The following MUC5AC variants were observed in gnomAD, a reference collection of about 807,000 sequenced individuals.
MUC5AC encodes mucin 5AC, oligomeric mucus/gel-forming, also known as mucin-5AC.
Under a neutral mutation model 169.7 loss-of-function variants are expected in MUC5AC, and 158 were observed. The observed-to-expected ratio is 0.93, with a 90% CI of 0.82 to 1.06. The LOEUF is 1.06. Among genes scored for constraint, MUC5AC ranks in the 50% least tolerant of loss-of-function variants. The pLI is 0.00. For missense variants in MUC5AC, 4,359 were observed against 3,089.9 expected, an observed-to-expected ratio of 1.41 and a Z score of -9.74; for synonymous variants, 1,975 against 1,237.0, an observed-to-expected ratio of 1.60 and a Z score of -12.52.
chr11:1,161,962 C>T lies in MUC5AC; in HGVS notation c.267C>T (p.Tyr89=), dbSNP rs757533239. The part of the protein sequence containing the change: ...RVCSTWGSFH[Y]KTFDGDVFRF... Reference sequence around the variant, plus strand: ...GCAGCACCTGGGGCAGCTTCCACTACAAGACCTTCGACGGCGACGTCTTCC... The same window carrying T: ...GCAGCACCTGGGGCAGCTTCCACTATAAGACCTTCGACGGCGACGTCTTCC... The change falls in exon 4 of 49, where the codon TAC becomes TAT. Residue 89 remains tyrosine (Y), a synonymous_variant. Coordinates refer to ENST00000621226, the MANE Select transcript of MUC5AC (RefSeq NM_001304359.2). 5.6e-6 allele frequency: 9 copies of T among 1,612,232 alleles called. No individual in the cohort carries two copies. Among genetic ancestry groups the T allele is most frequent in the Non-Finnish European group, 6.8e-6 (8 of 1,179,714 alleles).
chr11:1,177,217 C>T lies in MUC5AC; in HGVS notation c.2794-14C>T. The T allele has an allele frequency of 2.5e-6, 1 of 402,606 alleles. No homozygotes were observed. The allele number at this position is 402,606 out of a possible 1,614,324, so 24.9% of individuals were successfully genotyped here. The stretch of plus-strand genomic sequence containing the variant: ...CAGGGCCTGCCTGGTCCTTGATGGC[C>T]TCTGCTTCCCCAGAACCACTGTGGC... On this transcript the variant is annotated splice_polypyrimidine_tract_variant and intron_variant, in intron 22 of 48. Transcript: ENST00000621226.
intron 5 of MUC5AC, 74 bp downstream of exon 5, chr11:1,162,720 G>A: frequency 7.0e-7 from 1 of 1,429,080 alleles, no homozygotes; most frequent in Non-Finnish European, 9.8e-7. Context: ...AGCCTCTCCG[G>A]AGAGGGTAGA....
intron 4 of MUC5AC, 122 bp downstream of exon 4, chr11:1,162,290 G>C: frequency 7.0e-7 from 1 of 1,431,290 alleles, no homozygotes; most frequent in Non-Finnish European, 9.3e-7. Context: ...TGAGAGCAGA[G>C]CTGGACATGG....
intron 24 of MUC5AC, among the ~76,000 whole-genome samples, chr11:1,178,095 T>C (rs1860728812): frequency 6.6e-6 from 1 of 152,194 alleles, no homozygotes; most frequent in East Asian, 1.9e-4. Context: ...CAGGACCCAC[T>C]CATTACCTCA....
chr11:1,171,254 C>CCACTCACCCACT (rs1196298282), intron 15 of MUC5AC, among the ~76,000 whole-genome samples: 5 of 115,520 alleles, frequency 4.3e-5, no homozygotes, highest in South Asian at 3.3e-4. Context: ...ACCCACTCAT[C>CCACTCACCCACT]CACTCACCCA....
At chr11:1,175,837 G>GCACTCACCCACTTATGCAA (rs1590141059) in intron 19 of MUC5AC, among the ~76,000 whole-genome samples, 1 of 91,290 alleles carries the variant, frequency 1.1e-5, no homozygotes, top group Non-Finnish European at 2.1e-5. Context: ...TCATGCACAC[G>GCACTCACCCACTTATGCAA]CACTCACACA....
At position 1,162,143 on chromosome 11, in the gene MUC5AC, G is replaced by A. The variant is rs369882093; in HGVS notation, c.448G>A (p.Gly150Ser). 1.6e-5 allele frequency: 25 copies of A among 1,612,250 alleles called. No homozygotes were observed. In the African/African-American group the frequency reaches 3.3e-4, roughly 21 times the overall value. The part of the protein sequence containing the change: ...VDGVVIQLTK[G>S]SVLVNGHPVL... Reference sequence around the variant, plus strand: ...TGGCGTGGTCATCCAGCTGACCAAGGGCTCCGTCCTGGTCAACGGCCACCC... The same window carrying A: ...TGGCGTGGTCATCCAGCTGACCAAGAGCTCCGTCCTGGTCAACGGCCACCC... The change falls in exon 4 of 49, where the codon GGC (glycine) becomes AGC (serine). Residue 150 changes from glycine to serine, a missense_variant. Physicochemically the swap from Gly to Ser is moderately conservative, Grantham distance 56. Coordinates refer to ENST00000621226, the MANE Select transcript of MUC5AC (RefSeq NM_001304359.2).
In MUC5AC at chr11:1,182,884, A is replaced by G. The variant is rs1426036220; in HGVS notation, c.4739A>G (p.Glu1580Gly). 9.8e-5 allele frequency: 39 copies of G among 398,610 alleles called. No homozygotes were observed. Among genetic ancestry groups the G allele is most frequent in the South Asian group, 6.4e-4 (5 of 7,852 alleles). The allele number at this position is 398,610 out of a possible 1,614,324, so 24.7% of individuals were successfully genotyped here. The change falls in exon 31 of 49, where the codon GAG (glutamate) becomes GGG (glycine). Residue 1580 changes from glutamate to glycine, a missense_variant. Transcript: ENST00000621226. ...CCCAGCACATCCTCCTGCCTGCAGG[A>G]GCTTTGCACCTGGACCGAGTGGATC... Reference protein sequence around the residue: ...TEPSTSSCLQELCTWTEWIDG... With the variant: ...TEPSTSSCLQGLCTWTEWIDG...
Position 1,177,911 on chromosome 11 carries a change from G to A in MUC5AC, c.3087+278G>A, listed in dbSNP as rs1203692563. On this transcript the variant is annotated intron_variant, in intron 24 of 48. Transcript: ENST00000621226. ...AGTCCAGCAGGGCATCCACAGGGCCGAACTCTTTCAGAAGGCTCTGGGGGG... is the reference window on the plus strand; with the variant it reads ...AGTCCAGCAGGGCATCCACAGGGCCAAACTCTTTCAGAAGGCTCTGGGGGG... Among the ~76,000 whole-genome samples the A allele has an allele frequency of 4.8e-5, 6 of 125,128 alleles. No homozygotes were observed. In the South Asian group the frequency reaches 9.0e-4, roughly 19 times the overall value. The allele number at this position is 125,128 out of a possible 152,430, so 82.1% of individuals were successfully genotyped here. A position where few individuals can be genotyped will look rare whatever the true frequency, so the allele number is the denominator to read the frequency against.
chr11:1,180,528 G>A lies in MUC5AC; in HGVS notation c.3776+12G>A, dbSNP rs1025072459. 19 of 398,662 alleles carry A rather than the reference G, an allele frequency of 4.8e-5. 1 individual carries two copies. The Admixed American group carries it at 5.7e-4, about 12-fold the overall frequency. The allele number at this position is 398,662 out of a possible 1,614,324, so 24.7% of individuals were successfully genotyped here. On this transcript the variant is annotated intron_variant, in intron 28 of 48. Transcript: ENST00000621226. Reference sequence around the variant, plus strand: ...AACTGCCAGTCCTGGTGAGTCCTTTGGGGGGAGGAATATGGAGCCTGCAGC... The same window carrying A: ...AACTGCCAGTCCTGGTGAGTCCTTTAGGGGGAGGAATATGGAGCCTGCAGC...
chr11:1,190,836 A>G lies in MUC5AC; in HGVS notation c.12691A>G (p.Thr4231Ala). The change falls in exon 31 of 49, where the codon ACC becomes GCC. Residue 4231 changes from threonine (T) to alanine (A), a missense_variant. Coordinates refer to ENST00000621226, the MANE Select transcript of MUC5AC (RefSeq NM_001304359.2). ...SGTTPSPVPT[T>A]STTSASTTST... ...AACTACTCCAAGCCCTGTTCCCACC[A>G]CCAGCACAACCTCTGCCTCTACAAC... The G allele has an allele frequency of 2.7e-6, 2 of 740,338 alleles. No individual in the cohort carries two copies. The highest frequency in any genetic ancestry group is 2.8e-5 in the South Asian group (2 of 70,818). The allele number at this position is 740,338 out of a possible 1,614,324, so 45.9% of individuals were successfully genotyped here.
chr11:1,175,744 T>C lies in MUC5AC; in HGVS notation c.2402-407T>C, dbSNP rs1186004029. 4.7e-5 allele frequency among the ~76,000 whole-genome samples: 3 copies of C among 63,938 alleles called. No homozygotes were observed. In the East Asian group the frequency reaches 1.6e-3, roughly 34 times the overall value. The allele number at this position is 63,938 out of a possible 152,430, so 41.9% of individuals were successfully genotyped here. On this transcript the variant is annotated intron_variant, in intron 19 of 48. Coordinates refer to ENST00000621226, the MANE Select transcript of MUC5AC (RefSeq NM_001304359.2). ...CACACCCACTCATGCACACACACCGTCATGCACCCACACTCATGCACACGC... is the reference window on the plus strand; with the variant it reads ...CACACCCACTCATGCACACACACCGCCATGCACCCACACTCATGCACACGC...
chr11:1,197,473 C>G lies in MUC5AC; in HGVS notation c.15867C>G (p.Gly5289=). ...CTCAGTCCCCTTCCTTGCAGGTGGG[C>G]CACACCGTCGGCATGGACTGCCAGG... ...LGPHGEPVKV[G]HTVGMDCQEC... Residue 5289 remains glycine (G), a synonymous_variant, in exon 41 of 49, where the codon GGC becomes GGG. Coordinates refer to ENST00000621226, the MANE Select transcript of MUC5AC (RefSeq NM_001304359.2). 1.4e-6 allele frequency: 1 copy of G among 711,456 alleles called. No individual in the cohort carries two copies. The highest frequency in any genetic ancestry group is 1.7e-5 in the African/African-American group (1 of 57,808). The allele number at this position is 711,456 out of a possible 1,614,324, so 44.1% of individuals were successfully genotyped here.
At chr11:1,197,382 GC>G in intron 40 of MUC5AC, 85 bp from the exon 41 acceptor site, 1 of 669,680 alleles carries the variant, frequency 1.5e-6, no homozygotes, top group Middle Eastern at 3.8e-4. Context: ...ACACCTGGCT[GC>G]CCCGGCACTG....
chr11:1,187,866 C>T lies in MUC5AC; in HGVS notation c.9721C>T (p.Pro3241Ser). The change falls in exon 31 of 49, where the codon CCC becomes TCC. Residue 3241 changes from proline (P) to serine (S), a missense_variant. By Grantham distance (74) the Pro-to-Ser change is moderately conservative. Coordinates refer to ENST00000621226, the MANE Select transcript of MUC5AC (RefSeq NM_001304359.2). Reference sequence around the variant, plus strand: ...TGACATAGACTTCCCATCCCCTGGACCCCACGGCGGGGACAAGGAAACCTA... The same window carrying T: ...TGACATAGACTTCCCATCCCCTGGATCCCACGGCGGGGACAAGGAAACCTA... Reference protein sequence around the residue: ...WFDIDFPSPGPHGGDKETYNN... With the variant: ...WFDIDFPSPGSHGGDKETYNN... 1 of 763,330 alleles carries T rather than the reference C, an allele frequency of 1.3e-6. No individual in the cohort carries two copies. Among genetic ancestry groups the T allele is most frequent in the Non-Finnish European group, 2.4e-6 (1 of 416,666 alleles). 47.3% of individuals were successfully genotyped at this position (763,330 alleles called of 1,614,324 possible).
Position 1,200,544 on chromosome 11 carries a change from G to A in MUC5AC, c.16807G>A (p.Ala5603Thr), listed in dbSNP as rs748327370. ...GCACTGCACCGACGGCTCCAGCCGG[G>A]CCTTCAGCTACACCGAGGTGGAAGA... is the stretch of plus-strand genomic sequence containing the variant. ...TLHCTDGSSR[A>T]FSYTEVEECG... is the part of the protein sequence containing the mutation. Residue 5603 changes from alanine (A) to threonine (T), a missense_variant, in exon 49 of 49, where the codon GCC (alanine) becomes ACC (threonine). Coordinates refer to ENST00000621226, the MANE Select transcript of MUC5AC (RefSeq NM_001304359.2). 1 of 764,150 alleles carries A rather than the reference G, an allele frequency of 1.3e-6. No homozygotes were observed. 47.3% of individuals were successfully genotyped at this position (764,150 alleles called of 1,614,324 possible).
Position 1,163,962 on chromosome 11 carries a change from G to A in MUC5AC, c.760G>A (p.Glu254Lys), listed in dbSNP as rs563068052. The A allele has an allele frequency of 9.7e-5, 157 of 1,611,180 alleles. No homozygotes were observed. The African/African-American group carries it at 1.6e-3, about 17-fold the overall frequency. ...PTDQCQDPVP[E>K]PPRNCSTGFG... ...GGACCAGTGTCAGGACCCTGTCCCT[G>A]AACCCCCGAGGAACTGCTCCACTGG... The change falls in exon 7 of 49, where the codon GAA (glutamate) becomes AAA (lysine). Residue 254 changes from glutamate to lysine, a missense_variant. Glu to Lys is a moderately conservative substitution (Grantham distance 56). Coordinates refer to ENST00000621226, the MANE Select transcript of MUC5AC (RefSeq NM_001304359.2).
chr11:1,177,500 C>T lies in MUC5AC; in HGVS notation c.2954C>T (p.Thr985Met), dbSNP rs1023074223. The T allele has an allele frequency of 2.6e-3, 1,017 of 398,730 alleles. 5 individuals are homozygous for T. The highest frequency in any genetic ancestry group is 0.018 in the African/African-American group (860 of 48,722). 24.7% of individuals were successfully genotyped at this position (398,730 alleles called of 1,614,324 possible). Reference sequence around the variant, plus strand: ...CATGGGAAGGTGGAGGTGATCGGGACGGACGAGAGCCAGGAGGTGCCATAC... The same window carrying T: ...CATGGGAAGGTGGAGGTGATCGGGATGGACGAGAGCCAGGAGGTGCCATAC... The part of the protein sequence containing the change: ...LSHGKVEVIG[T>M]DESQEVPYTI... Residue 985 changes from threonine to methionine, a missense_variant, in exon 24 of 49, where the codon ACG (threonine) becomes ATG (methionine). Thr to Met is a moderately conservative substitution (Grantham distance 81). Transcript: ENST00000621226.
chr11:1,175,491 TCACA>T (rs1860647369), intron 19 of MUC5AC, among the ~76,000 whole-genome samples: 2 of 101,912 alleles, frequency 2.0e-5, no homozygotes, highest in African/African-American at 3.5e-5. Flanking sequence ...ATGCACATGC[TCACA>T]CACCCACTCA....
Sources: allele counts gnomAD v4.1 joint callset (sites outside exome capture counted in the v4.1 genomes callset), GRCh38; gene constraint gnomAD v4.1.1; transcripts MANE v1.5; gene names NCBI Gene and HGNC (gene_info 2026-07-23, HGNC 2026-07-21).